The following DGKZ variants were observed in gnomAD, a reference collection of about 807,000 sequenced individuals.
DGKZ encodes DAG kinase zeta.
DGKZ carries 45 observed loss-of-function variants against 142.5 expected under a neutral mutation model. The ratio of observed to expected loss-of-function variants is 0.32; its 90% confidence interval spans 0.25 to 0.40. DGKZ has a LOEUF of 0.40. Ranked by LOEUF, DGKZ falls within the 10% of genes least tolerant of loss-of-function variation. The pLI, the probability that DGKZ is intolerant of heterozygous loss-of-function variation, is 1.00. For synonymous variants in DGKZ, 442 were observed against 527.0 expected (o/e 0.84, Z 2.21); for missense variants, 755 against 1,306.5 (o/e 0.58, Z 6.51).
intron 25 of DGKZ, chr11:46,377,520 C>T (rs1944689214): frequency 4.6e-6 from 2 of 433,940 alleles, no homozygotes; most frequent in African/African-American, 2.0e-5. Context: ...TCCCGGCTGC[C>T]ACGCCCTGGC....
In DGKZ at chr11:46,367,277, C is replaced by T. The variant is rs1453088741; in HGVS notation, c.162-14C>T. Reference sequence around the variant, plus strand: ...AGTGCTCAGCCCCCTCCTCAGCTGTCTTCTCCTCTCTAGGAAAGCCATCAC... The same window carrying T: ...AGTGCTCAGCCCCCTCCTCAGCTGTTTTCTCCTCTCTAGGAAAGCCATCAC... On this transcript the variant is annotated splice_polypyrimidine_tract_variant and intron_variant, in intron 1 of 30. Transcript: ENST00000527911. This position sits in a 1 kb window ranked among gnomAD's most constrained non-coding sequence, Gnocchi z 4.1. 1 of 1,600,640 alleles carries T rather than the reference C, an allele frequency of 6.2e-7. No homozygotes were observed. Among genetic ancestry groups the T allele is most frequent in the Non-Finnish European group, 8.5e-7 (1 of 1,170,406 alleles).
At position 46,347,705 on chromosome 11, in the gene DGKZ, G is replaced by A. The variant is rs1370910495; in HGVS notation, c.46G>A (p.Glu16Lys). 3.4e-6 allele frequency: 5 copies of A among 1,459,284 alleles called. No individual in the cohort carries two copies. The highest frequency in any genetic ancestry group is 2.6e-5 in the South Asian group (2 of 76,524). The allele number at this position is 1,459,284 out of a possible 1,614,324, so 90.4% of individuals were successfully genotyped here. ...CCCCGAGGCCCGGAGCAGCGACTCC[G>A]AGTCGGCTTCCGCCTCGTCCAGCGG... Residue 16 changes from glutamate to lysine, a missense_variant, in exon 1 of 31, where the codon GAG becomes AAG. Physicochemically the swap from Glu to Lys is moderately conservative, Grantham distance 56. This residue lies in a region of DGKZ where 28 missense variants were observed against 92.8 expected (regional missense o/e 0.30). Coordinates refer to ENST00000527911, the Ensembl canonical transcript of DGKZ. This position sits in a 1 kb window ranked among gnomAD's most constrained non-coding sequence, Gnocchi z 6.4.
chr11:46,345,348 C>A (rs1027804917), upstream of DGKZ: 22 of 1,383,174 alleles, frequency 1.6e-5, no homozygotes, highest in Admixed American at 3.7e-5. The surrounding 1 kb of genome is among the most constrained non-coding windows in gnomAD (Gnocchi z 4.1). Flanking sequence ...CTCTAGCAGG[C>A]CCCCCCCTCG....
At chr11:46,333,631 G>T (rs995960300) in intron 1 of DGKZ, 2 of 770,972 alleles carry the variant, frequency 2.6e-6, no homozygotes, top group African/African-American at 3.7e-5. Context: ...CTGTCTTTTC[G>T]TGTACAGCGG....
chr11:46,368,153 A>C (rs1198863953), intron 4 of DGKZ, 74 bp downstream of exon 4: 1 of 1,495,710 alleles, frequency 6.7e-7, no homozygotes, highest in Middle Eastern at 1.7e-4. Flanking sequence ...ACTCACACCC[A>C]CATGTTATAC....
intron 1 of DGKZ, among the ~76,000 whole-genome samples, chr11:46,356,135 G>A (rs540962259): frequency 6.6e-6 from 1 of 152,342 alleles, no homozygotes; most frequent in South Asian, 2.1e-4. Flanking sequence ...GAGAAGACAA[G>A]GATGGGACGG....
intron 6 of DGKZ, among the ~76,000 whole-genome samples, chr11:46,371,048 G>A (rs573245308): frequency 9.8e-5 from 15 of 152,308 alleles, no homozygotes; most frequent in Admixed American, 4.6e-4. Context: ...TCACGCCACT[G>A]CACTCCAGCC....
chr11:46,350,021 T>A (rs892824491), intron 1 of DGKZ, among the ~76,000 whole-genome samples: 2 of 151,878 alleles, frequency 1.3e-5, no homozygotes, highest in Non-Finnish European at 2.9e-5. Flanking sequence ...CGCTGGGGAG[T>A]GTAAGTGCTC....
chr11:46,374,471 C>A lies in DGKZ; in HGVS notation c.1461+17C>A, dbSNP rs1309622818. 3 of 1,613,926 alleles carry A rather than the reference C, an allele frequency of 1.9e-6. No individual in the cohort carries two copies. The highest frequency in any genetic ancestry group is 1.1e-5 in the South Asian group (1 of 91,086). ...TACGCCGGGGTGAGTGGGGTCTGCACCCCCGCCTGTGCCCACCTCTTCTAC... is the reference window on the plus strand; with the variant it reads ...TACGCCGGGGTGAGTGGGGTCTGCAACCCCGCCTGTGCCCACCTCTTCTAC... On this transcript the variant is annotated intron_variant, in intron 16 of 30. Transcript: ENST00000527911.
intron 4 of DGKZ, chr11:46,368,319 C>A (rs1189014808): frequency 1.7e-6 from 1 of 580,492 alleles, no homozygotes; most frequent in East Asian, 3.3e-5. Flanking sequence ...TTGAATATCA[C>A]TCAATGGAAT....
At chr11:46,358,765 C>T (rs1942311402) in intron 1 of DGKZ, among the ~76,000 whole-genome samples, 1 of 152,198 alleles carries the variant, frequency 6.6e-6, no homozygotes, top group Admixed American at 6.5e-5. Context: ...CTTTTATTCA[C>T]TTCCTAGAGC....
At chr11:46,365,827 C>T (rs1943183447) in intron 1 of DGKZ, 1 of 985,316 alleles carries the variant, frequency 1.0e-6, no homozygotes, top group African/African-American at 1.7e-5. Context: ...GGCAGACCGA[C>T]TCCCCATTTT....
exon 4 of DGKZ, chr11:46,368,060 G>C: frequency 6.2e-7 from 1 of 1,614,118 alleles, no homozygotes. Context: ...CACACGCCCT[G>C]CATCGAGCAG....
At chr11:46,361,158 A>AT (rs1942600899) in intron 1 of DGKZ, among the ~76,000 whole-genome samples, 1 of 152,192 alleles carries the variant, frequency 6.6e-6, no homozygotes, top group Non-Finnish European at 1.5e-5. Context: ...TATTTTTGTG[A>AT]TTGTTTTGTC....
At chr11:46,366,499 C>T in intron 1 of DGKZ, 1 of 1,584,158 alleles carries the variant, frequency 6.3e-7, no homozygotes, top group Non-Finnish European at 8.6e-7. Flanking sequence ...TGCCCCCTTC[C>T]TGCAACCCCC....
intron 20 of DGKZ, 85 bp downstream of exon 20, chr11:46,375,716 G>T: frequency 6.6e-7 from 1 of 1,507,138 alleles, no homozygotes; most frequent in Admixed American, 2.0e-5. Context: ...TGTAAAAGGG[G>T]CTGACTGTCC....
intron 1 of DGKZ, among the ~76,000 whole-genome samples, chr11:46,340,609 T>C (rs1308767133): frequency 1.3e-5 from 2 of 152,196 alleles, no homozygotes; most frequent in East Asian, 1.9e-4. Flanking sequence ...TCCTCCAGGT[T>C]TCCTCCTGCT....
chr11:46,365,856 A>G (rs1943186767), intron 1 of DGKZ: 10 of 985,246 alleles, frequency 1.0e-5, no homozygotes, highest in Non-Finnish European at 1.2e-5. Flanking sequence ...TTTCTTTTCC[A>G]TCAGCTTCCG....
intron 22 of DGKZ, 46 bp downstream of exon 22, chr11:46,376,191 G>A (rs890856389): frequency 6.2e-7 from 1 of 1,609,020 alleles, no homozygotes; most frequent in Non-Finnish European, 8.5e-7. Context: ...AGGGTGGTGG[G>A]AAGTGAGGCC....
Sources: allele counts gnomAD v4.1 joint callset (sites outside exome capture counted in the v4.1 genomes callset), GRCh38; gene constraint gnomAD v4.1.1; regional missense constraint gnomAD v4.1.1; non-coding constraint Gnocchi (gnomAD v3.1); transcripts MANE v1.5; gene names NCBI Gene and HGNC (gene_info 2026-07-23, HGNC 2026-07-21).